Variants in ZNF704 observed in about 807,000 individuals in gnomAD.
The protein encoded by ZNF704 is zinc finger protein 704.
ZNF704 carries 10 observed loss-of-function variants against 44.7 expected under a neutral mutation model. That is an observed-to-expected ratio of 0.22 (90% CI 0.14 to 0.38). ZNF704 has a LOEUF of 0.38. ZNF704 is among the 10% of genes least tolerant of loss of function. ZNF704 has a pLI of 1.00. For synonymous variants in ZNF704, 211 were observed against 207.6 expected, an observed-to-expected ratio of 1.02 and a Z score of -0.14; for missense variants, 390 against 545.5, an observed-to-expected ratio of 0.71 and a Z score of 2.84.
chr8:80,862,008 TTTTTTTTTTTTTG>T, intron 1 of ZNF704, among the ~76,000 whole-genome samples: 1 of 135,922 alleles, frequency 7.4e-6, no homozygotes, highest in African/African-American at 2.9e-5. Flanking sequence ...TTTTTTTTTT[TTTTTTTTTTTTTG>T]AGATAGAGTT....
intron 2 of ZNF704, among the ~76,000 whole-genome samples, chr8:80,715,291 T>C (rs1423734411): frequency 6.6e-6 from 1 of 152,206 alleles, no homozygotes; most frequent in Non-Finnish European, 1.5e-5. Flanking sequence ...CTGAAATGGA[T>C]GTATTTGCTG....
intron 4 of ZNF704, among the ~76,000 whole-genome samples, chr8:80,678,944 T>C (rs1444178156): frequency 6.6e-6 from 1 of 152,132 alleles, no homozygotes; most frequent in Non-Finnish European, 1.5e-5. Context: ...TATTGATTCC[T>C]CCTGGCTCTC....
chr8:80,745,004 A>T (rs1367950363), intron 2 of ZNF704, among the ~76,000 whole-genome samples: 1 of 152,230 alleles, frequency 6.6e-6, no homozygotes, highest in African/African-American at 2.4e-5. Flanking sequence ...TCTGTGGTCA[A>T]TAATTAAGAA....
At chr8:80,753,339 A>C (rs942362145) in intron 2 of ZNF704, among the ~76,000 whole-genome samples, 5 of 152,160 alleles carry the variant, frequency 3.3e-5, no homozygotes, top group African/African-American at 1.2e-4. Context: ...AATATACAGC[A>C]CACACCAGTT....
chr8:80,788,695 T>G (rs999145511), intron 2 of ZNF704, among the ~76,000 whole-genome samples: 1 of 151,914 alleles, frequency 6.6e-6, no homozygotes, highest in Non-Finnish European at 1.5e-5. Flanking sequence ...TCACAAGGAG[T>G]CTGGGCCTTT....
At chr8:80,848,684 A>G (rs369179818) in intron 1 of ZNF704, among the ~76,000 whole-genome samples, 1 of 152,122 alleles carries the variant, frequency 6.6e-6, no homozygotes, top group African/African-American at 2.4e-5. Context: ...ATCTTTACAA[A>G]AAATCAGCTA....
chr8:80,723,685 T>G (rs7012682), intron 2 of ZNF704, among the ~76,000 whole-genome samples: 26,435 of 152,122 alleles, frequency 0.17, 4,674 homozygotes, highest in African/African-American at 0.46. Flanking sequence ...TACATCCTTT[T>G]CAACTATTTA....
chr8:80,861,841 A>C (rs1292804003), intron 1 of ZNF704, among the ~76,000 whole-genome samples: 1 of 151,680 alleles, frequency 6.6e-6, no homozygotes. Flanking sequence ...GTCAAACTTA[A>C]CATGTTTAAG....
intron 4 of ZNF704, 123 bp downstream of exon 4, chr8:80,687,102 TA>T (rs1818550558): frequency 2.6e-6 from 2 of 758,894 alleles, no homozygotes; most frequent in Admixed American, 5.1e-5. Flanking sequence ...AAGAGGAACG[TA>T]AGCTGCTTCT....
At chr8:80,694,995 G>A (rs964488570) in intron 2 of ZNF704, among the ~76,000 whole-genome samples, 2 of 143,482 alleles carry the variant, frequency 1.4e-5, no homozygotes, top group Non-Finnish European at 3.0e-5. Flanking sequence ...CATACACTTA[G>A]AGGCAAAAAA....
intron 1 of ZNF704, among the ~76,000 whole-genome samples, chr8:80,865,598 A>T (rs1326779683): frequency 6.6e-6 from 1 of 152,244 alleles, no homozygotes; most frequent in Non-Finnish European, 1.5e-5. Context: ...AAAATGTTGG[A>T]GCACTTTTGA....
intron 1 of ZNF704, chr8:80,873,481 C>T (rs542039245): frequency 2.0e-5 from 3 of 151,798 alleles, no homozygotes; most frequent in Non-Finnish European, 4.4e-5. Flanking sequence ...TGCCCCGGGG[C>T]CCGGGCCCGT....
intron 7 of ZNF704, among the ~76,000 whole-genome samples, chr8:80,652,118 A>G (rs891440906): frequency 3.9e-5 from 6 of 152,236 alleles, no homozygotes; most frequent in African/African-American, 1.2e-4. Flanking sequence ...TTTGAAACCA[A>G]TGAGAACAAA....
At chr8:80,791,635 C>T (rs1450590234) in intron 2 of ZNF704, among the ~76,000 whole-genome samples, 3 of 152,196 alleles carry the variant, frequency 2.0e-5, no homozygotes, top group Non-Finnish European at 2.9e-5. Flanking sequence ...CAGCAAAACA[C>T]TTCCTTACTC....
chr8:80,858,192 T>C (rs1230559492), intron 1 of ZNF704, among the ~76,000 whole-genome samples: 1 of 152,230 alleles, frequency 6.6e-6, no homozygotes, highest in Non-Finnish European at 1.5e-5. Flanking sequence ...TTTATCAATT[T>C]TATTGACCTT....
chr8:80,769,450 T>TA (rs1807282438), intron 2 of ZNF704, among the ~76,000 whole-genome samples: 1 of 152,116 alleles, frequency 6.6e-6, no homozygotes, highest in African/African-American at 2.4e-5. Flanking sequence ...TTATTGGACT[T>TA]ACAGTTCCAC....
intron 2 of ZNF704, among the ~76,000 whole-genome samples, chr8:80,755,443 A>G (rs1239293090): frequency 6.6e-6 from 1 of 152,150 alleles, no homozygotes; most frequent in East Asian, 1.9e-4. Context: ...TGACTGAGTG[A>G]GACTCCATCT....
At chr8:80,704,473 T>C (rs1049695730) in intron 2 of ZNF704, among the ~76,000 whole-genome samples, 8 of 152,232 alleles carry the variant, frequency 5.3e-5, no homozygotes, top group African/African-American at 1.9e-4. Flanking sequence ...TCTTTTTGTA[T>C]GCTAACGAGA....
intron 1 of ZNF704, among the ~76,000 whole-genome samples, chr8:80,835,757 G>C (rs1454653722): frequency 2.6e-5 from 4 of 152,168 alleles, no homozygotes; most frequent in Admixed American, 2.6e-4. Flanking sequence ...ATCAGTGTGG[G>C]TTAATCTTAT....
Sources: allele counts gnomAD v4.1 joint callset (sites outside exome capture counted in the v4.1 genomes callset), GRCh38; gene constraint gnomAD v4.1.1; transcripts MANE v1.5; gene names NCBI Gene and HGNC (gene_info 2026-07-23, HGNC 2026-07-21).